The following SETD5 variants were observed in gnomAD, a reference collection of about 807,000 sequenced individuals.
SETD5 encodes SET domain containing 5, also known as histone-lysine N-methyltransferase SETD5.
A neutral mutation model predicts 153.3 loss-of-function variants in SETD5; 44 were observed. The ratio of observed to expected loss-of-function variants is 0.29; its 90% confidence interval spans 0.23 to 0.37. SETD5 has a LOEUF of 0.37. Among genes scored for constraint, SETD5 ranks in the 10% least tolerant of loss-of-function variants. The pLI is 1.00. For synonymous variants in SETD5, 716 were observed against 645.2 expected, an observed-to-expected ratio of 1.11 and a Z score of -1.66; for missense variants, 1,544 against 1,768.0, an observed-to-expected ratio of 0.87 and a Z score of 2.27.
chr3:9,437,133 G>T (rs1370022584), intron 7 of SETD5, among the ~76,000 whole-genome samples: 1 of 152,050 alleles, frequency 6.6e-6, no homozygotes, highest in Non-Finnish European at 1.5e-5. Context: ...CTTTCCTAGG[G>T]GGTAAGTGAC....
At chr3:9,471,081 G>A (rs1294559129) in intron 19 of SETD5, among the ~76,000 whole-genome samples, 152 bp downstream of exon 19, 1 of 152,212 alleles carries the variant, frequency 6.6e-6, no homozygotes, top group African/African-American at 2.4e-5. Context: ...GGCTGTTTTA[G>A]TACAACTTGG....
intron 19 of SETD5, among the ~76,000 whole-genome samples, chr3:9,471,970 A>G (rs1334364822): frequency 1.3e-5 from 2 of 152,194 alleles, no homozygotes; most frequent in African/African-American, 4.8e-5. Flanking sequence ...AACTGTCTAT[A>G]TTTTTGTTCC....
chr3:9,413,502 C>G (rs1181429363), intron 1 of SETD5, among the ~76,000 whole-genome samples: 3 of 152,036 alleles, frequency 2.0e-5, no homozygotes, highest in Non-Finnish European at 2.9e-5. Flanking sequence ...TAGTTTTGAT[C>G]TTTTTTCTCT....
intron 18 of SETD5, among the ~76,000 whole-genome samples, chr3:9,468,166 AC>A (rs1185941991): frequency 6.6e-6 from 1 of 151,770 alleles, no homozygotes; most frequent in African/African-American, 2.4e-5. Flanking sequence ...CCCCTCAATA[AC>A]AAATACTGTA....
intron 17 of SETD5, among the ~76,000 whole-genome samples, chr3:9,456,333 G>T (rs941815470): frequency 6.6e-6 from 1 of 152,020 alleles, no homozygotes; most frequent in African/African-American, 2.4e-5. Flanking sequence ...AAAATTAGCT[G>T]GGCCTGGTCA....
chr3:9,472,013 TAGA>T lies in SETD5; in HGVS notation c.3195+1087_3195+1089del, dbSNP rs376446992. Among the ~76,000 whole-genome samples the T allele has an allele frequency of 1.4e-3, 208 of 152,296 alleles. 5 individuals carry two copies. The East Asian group carries it at 0.025, about 18-fold the overall frequency. On this transcript the variant is annotated intron_variant, in intron 19 of 22. Coordinates refer to ENST00000402198, the MANE Select transcript of SETD5 (RefSeq NM_001080517.3). ...CAGAAAAATGAGAACCCTAAGGGGA[TAGA>T]AGGAGGAGGAAACATTGGCAGATAA...
intron 18 of SETD5, 124 bp from the exon 19 acceptor site, chr3:9,470,335 A>T: frequency 1.4e-6 from 1 of 728,610 alleles, no homozygotes; most frequent in Non-Finnish European, 2.4e-6. Context: ...TAATGGCTTT[A>T]TCTGCTCTAC....
At chr3:9,464,165 T>C (rs1446619593) in intron 17 of SETD5, among the ~76,000 whole-genome samples, 1 of 152,126 alleles carries the variant, frequency 6.6e-6, no homozygotes, top group Non-Finnish European at 1.5e-5. Flanking sequence ...AATTTTATAT[T>C]TTGCACTGGT....
At position 9,445,309 on chromosome 3, in the gene SETD5, C is replaced by T; in HGVS notation, c.1440+9C>T. On this transcript the variant is annotated intron_variant, in intron 12 of 22. Transcript: ENST00000402198. ...TATCCAGTGATCATGAGGTAATCGCCCCTGGTCAAATGATGATGCTATGGC... is the reference window on the plus strand; with the variant it reads ...TATCCAGTGATCATGAGGTAATCGCTCCTGGTCAAATGATGATGCTATGGC... 6.3e-7 allele frequency: 1 copy of T among 1,597,472 alleles called. No homozygotes were observed. The highest frequency in any genetic ancestry group is 1.1e-5 in the South Asian group (1 of 88,480).
At chr3:9,418,451 T>A (rs1430240293) in intron 1 of SETD5, among the ~76,000 whole-genome samples, 1 of 152,218 alleles carries the variant, frequency 6.6e-6, no homozygotes, top group Non-Finnish European at 1.5e-5. Flanking sequence ...CAGCTAGGGT[T>A]TATTTTGAAG....
rs2041856082 is a variant in SETD5 at position 9,445,709 on chromosome 3, A to G, written c.1493A>G (p.Asp498Gly). 1 of 1,613,520 alleles carries G rather than the reference A, an allele frequency of 6.2e-7. No individual in the cohort carries two copies. The highest frequency in any genetic ancestry group is 1.7e-5 in the Admixed American group (1 of 59,962). The stretch of plus-strand genomic sequence containing the variant: ...GAAGAAGAGAAAGAAGAGGTTATAG[A>G]TGACCAGGAGAACCTAGCTCATAGC... The part of the protein sequence containing the change: ...KPEEEKEEVI[D>G]DQENLAHSRR... The change falls in exon 13 of 23, where the codon GAT (aspartate) becomes GGT (glycine). Residue 498 changes from aspartate (D) to glycine (G), a missense_variant. Transcript: ENST00000402198.
At position 9,413,649 on chromosome 3, in the gene SETD5, GGTGTGTGT is replaced by G. The variant is rs1160123997; in HGVS notation, c.-176-10789_-176-10782del. The stretch of plus-strand genomic sequence containing the variant: ...AGCTTCTTCGGGTGGGGGGAGGCGG[GGTGTGTGT>G]GTGTGTGTGTGTGTGTGTGTGTGTG... On this transcript the variant is annotated intron_variant, in intron 1 of 22. Coordinates refer to ENST00000402198, the MANE Select transcript of SETD5 (RefSeq NM_001080517.3). Among the ~76,000 whole-genome samples, 16 of 140,460 alleles carry G rather than the reference GGTGTGTGT, an allele frequency of 1.1e-4. 1 individual carries two copies. Among genetic ancestry groups the G allele is most frequent in the South Asian group, 4.6e-4 (2 of 4,382 alleles). 92.1% of individuals were successfully genotyped at this position (140,460 alleles called of 152,430 possible).
At chr3:9,441,774 A>G (rs773917147) in intron 9 of SETD5, 33 bp downstream of exon 9, 2 of 1,613,512 alleles carry the variant, frequency 1.2e-6, no homozygotes, top group Non-Finnish European at 1.7e-6. Context: ...AGTGAGGGCT[A>G]AGGTGGACCT....
At position 9,475,651 on chromosome 3, in the gene SETD5, A is replaced by G; in HGVS notation, c.3889A>G (p.Thr1297Ala). ...TTCTTCAGAATCATCCCTCTCTTCC[A>G]CGTCCTATTCCAGCCCCGCCCACCC... ...HGSSESSLSS[T>A]SYSSPAHPVS... The change falls in exon 23 of 23, where the codon ACG (threonine) becomes GCG (alanine). Residue 1297 changes from threonine to alanine, a missense_variant. By Grantham distance (58) the Thr-to-Ala change is moderately conservative (BLOSUM62 0). Transcript: ENST00000402198. 1.9e-6 allele frequency: 3 copies of G among 1,613,724 alleles called. No homozygotes were observed. The highest frequency in any genetic ancestry group is 2.5e-6 in the Non-Finnish European group (3 of 1,179,826).
intron 7 of SETD5, among the ~76,000 whole-genome samples, chr3:9,437,857 G>A (rs2040774646): frequency 6.6e-6 from 1 of 151,994 alleles, no homozygotes; most frequent in Non-Finnish European, 1.5e-5. Context: ...ACCAAAATTA[G>A]CCAGGCGTGG....
At chr3:9,454,430 C>T (rs2042971939) in intron 17 of SETD5, among the ~76,000 whole-genome samples, 1 of 151,812 alleles carries the variant, frequency 6.6e-6, no homozygotes, top group Admixed American at 6.6e-5. Flanking sequence ...ACCAACGTGG[C>T]CAACATGGTG....
intron 7 of SETD5, among the ~76,000 whole-genome samples, chr3:9,439,210 C>T (rs904471434): frequency 6.6e-6 from 1 of 152,200 alleles, no homozygotes; most frequent in African/African-American, 2.4e-5. Context: ...CTCTGATTGT[C>T]AGTATGTTGG....
intron 14 of SETD5, 102 bp from the exon 15 acceptor site, chr3:9,447,578 CTTATAT>C: frequency 7.9e-7 from 1 of 1,263,060 alleles, no homozygotes; most frequent in East Asian, 2.3e-5. Flanking sequence ...GTTTCTAATC[CTTATAT>C]TTTTCATCAG....
Position 9,428,920 on chromosome 3 carries a change from C to G in SETD5, c.-19C>G. Reference sequence around the variant, plus strand: ...TTAATTGGACCCCGTGATTTCCAATCTCTGCTGTGTTGGACGTCATGAGCA... The same window carrying G: ...TTAATTGGACCCCGTGATTTCCAATGTCTGCTGTGTTGGACGTCATGAGCA... On this transcript the variant is annotated 5_prime_UTR_variant, in exon 3 of 23. It adds an upstream start codon to the 5' untranslated region. Transcript: ENST00000402198. 2 of 1,604,920 alleles carry G rather than the reference C, an allele frequency of 1.2e-6. No homozygotes were observed. Among genetic ancestry groups the G allele is most frequent in the Middle Eastern group, 3.3e-4 (2 of 6,044 alleles).
Sources: gnomAD v4.1 joint callset for allele counts (sites outside exome capture counted in the v4.1 genomes callset) on GRCh38, gnomAD v4.1.1 for gene constraint, MANE v1.5 for transcripts, NCBI Gene and HGNC (gene_info 2026-07-23, HGNC 2026-07-21) for gene names.